The following DARS1 variants were observed in gnomAD, a reference collection of about 807,000 sequenced individuals.
DARS1 encodes the protein aspartate--tRNA ligase, cytoplasmic.
In DARS1, 51 loss-of-function variants were observed where a neutral mutation model predicts 68.8. The ratio of observed to expected loss-of-function variants is 0.74; its 90% CI spans 0.59 to 0.94. The LOEUF (loss-of-function observed/expected upper bound fraction) is 0.94, where lower values mean the gene tolerates loss of function less well. DARS1 is among the 40% of genes least tolerant of loss of function. The pLI, the probability that DARS1 is intolerant of heterozygous loss-of-function variation, is 0.00. For missense variants in DARS1, 607 were observed against 597.3 expected (o/e 1.02, Z -0.17); for synonymous variants, 203 against 190.4 (o/e 1.07, Z -0.55).
chr2:135,927,605 C>CAAA (rs1484614769), intron 7 of DARS1, among the ~76,000 whole-genome samples: 1 of 151,970 alleles, frequency 6.6e-6, no homozygotes, highest in Admixed American at 6.6e-5. Flanking sequence ...ACTCATTAAA[C>CAAA]AAATATTTAT....
intron 5 of DARS1, among the ~76,000 whole-genome samples, chr2:135,934,384 G>A (rs1464645783): frequency 6.6e-6 from 1 of 152,108 alleles, no homozygotes; most frequent in Non-Finnish European, 1.5e-5. Flanking sequence ...CACTTAGGGA[G>A]GCTGTGGTGG....
At chr2:135,943,854 G>C (rs1681660130) in intron 4 of DARS1, among the ~76,000 whole-genome samples, 1 of 152,106 alleles carries the variant, frequency 6.6e-6, no homozygotes, top group South Asian at 2.1e-4. Flanking sequence ...AGAAATACTG[G>C]CTTCAATAAA....
chr2:135,951,898 T>G (rs966502896), intron 4 of DARS1, among the ~76,000 whole-genome samples: 7 of 152,212 alleles, frequency 4.6e-5, no homozygotes, highest in Non-Finnish European at 8.8e-5. Context: ...ATTGTAGTAT[T>G]TATGTATTTC....
intron 4 of DARS1, among the ~76,000 whole-genome samples, chr2:135,953,494 C>T (rs3112496): frequency 0.25 from 37,565 of 151,920 alleles, 5,586 homozygotes; most frequent in Middle Eastern, 0.42. Context: ...AGGTGCAAAA[C>T]GTATTGTGTT....
At chr2:135,982,655 A>G (rs1682664187) in intron 2 of DARS1, among the ~76,000 whole-genome samples, 1 of 152,118 alleles carries the variant, frequency 6.6e-6, no homozygotes. Context: ...AAGAGCGGTT[A>G]TAAGAAAAGA....
chr2:135,940,141 C>A (rs1482973302), intron 5 of DARS1, among the ~76,000 whole-genome samples: 1 of 152,176 alleles, frequency 6.6e-6, no homozygotes, highest in Non-Finnish European at 1.5e-5. Flanking sequence ...AGAGGGAATC[C>A]TCCCTAACTC....
chr2:135,920,519 T>G lies in DARS1; in HGVS notation c.893A>C (p.His298Pro). The change falls in exon 10 of 16, where the codon CAT (histidine) becomes CCT (proline). Residue 298 changes from histidine (H) to proline (P), a missense_variant. Coordinates refer to ENST00000264161, the MANE Select transcript of DARS1 (RefSeq NM_001349.4). ...AATTTCTTCCATAACTTCGTGGTAA[T>G]GGTAATTAAAAGCCATTTCAATGTC... is the stretch of plus-strand genomic sequence containing the variant. ...GLDIEMAFNY[H>P]YHEVMEEIAD... 6.2e-7 allele frequency: 1 copy of G among 1,613,808 alleles called. No individual in the cohort carries two copies. Among genetic ancestry groups the G allele is most frequent in the Non-Finnish European group, 8.5e-7 (1 of 1,179,874 alleles).
At chr2:135,943,160 T>C (rs1575395153) in intron 5 of DARS1, 1 of 527,686 alleles carries the variant, frequency 1.9e-6, no homozygotes, top group East Asian at 3.9e-5. Flanking sequence ...GCCATCTCAG[T>C]TGGGTGCATC....
intron 3 of DARS1, chr2:135,978,950 A>G (rs1362833658): frequency 5.1e-6 from 1 of 194,314 alleles, no homozygotes; most frequent in Non-Finnish European, 1.0e-5. Flanking sequence ...TTAAATAATT[A>G]AAGTTTACTC....
chr2:135,932,810 T>C lies in DARS1; in HGVS notation c.537A>G (p.Arg179=). Residue 179 remains arginine, a synonymous_variant, in exon 7 of 16, where the codon AGA becomes AGG. Transcript: ENST00000264161. The part of the protein sequence containing the change: ...EGRATVNQDT[R]LDNRVIDLRT... ...TAAGATCAATGACTCTGTTGTCTAA[T>C]CTTGTATCCTGGTTAACAGTAGCTC... The C allele has an allele frequency of 2.2e-6, 3 of 1,361,912 alleles. No homozygotes were observed. The highest frequency in any genetic ancestry group is 1.5e-5 in the African/African-American group (1 of 68,766). 84.4% of individuals were successfully genotyped at this position (1,361,912 alleles called of 1,614,324 possible). A position where few individuals can be genotyped will look rare whatever the true frequency, so the allele number is the denominator to read the frequency against.
intron 1 of DARS1, among the ~76,000 whole-genome samples, chr2:135,984,557 A>G (rs1404078527): frequency 6.6e-6 from 1 of 152,210 alleles, no homozygotes; most frequent in Non-Finnish European, 1.5e-5. Flanking sequence ...AGGGCAACAG[A>G]AGGAGATTAA....
chr2:135,970,699 A>G (rs1400353436), intron 3 of DARS1, among the ~76,000 whole-genome samples: 1 of 152,118 alleles, frequency 6.6e-6, no homozygotes, highest in African/African-American at 2.4e-5. Flanking sequence ...AACAAAAATG[A>G]CAAGCTTTTA....
intron 4 of DARS1, among the ~76,000 whole-genome samples, chr2:135,943,942 T>A (rs1281033988): frequency 6.6e-6 from 1 of 152,174 alleles, no homozygotes; most frequent in African/African-American, 2.4e-5. Context: ...AAGAGGACAT[T>A]AGCGTGCTGT....
intron 2 of DARS1, chr2:135,980,699 AT>A (rs1313215637): frequency 6.6e-6 from 1 of 152,232 alleles, no homozygotes; most frequent in African/African-American, 2.4e-5. Context: ...TCAGCAGAAG[AT>A]TTTAAAAGGC....
At chr2:135,937,098 T>G (rs367685718) in intron 5 of DARS1, among the ~76,000 whole-genome samples, 2 of 152,136 alleles carry the variant, frequency 1.3e-5, no homozygotes. Context: ...ATGGTTTTTT[T>G]TTGTTGTTGA....
At chr2:135,935,603 A>C (rs1288663418) in intron 5 of DARS1, among the ~76,000 whole-genome samples, 1 of 152,144 alleles carries the variant, frequency 6.6e-6, no homozygotes, top group African/African-American at 2.4e-5. Context: ...CTGTCTCGAA[A>C]AAATAAATAA....
intron 4 of DARS1, 74 bp downstream of exon 4, chr2:135,961,322 A>C (rs1325882580): frequency 1.3e-6 from 1 of 794,610 alleles, no homozygotes; most frequent in Non-Finnish European, 2.2e-6. Flanking sequence ...AATGTATGAA[A>C]ATGGTCCAAA....
intron 12 of DARS1, among the ~76,000 whole-genome samples, chr2:135,914,206 A>C (rs1452349360): frequency 6.6e-6 from 1 of 152,218 alleles, no homozygotes; most frequent in Non-Finnish European, 1.5e-5. Context: ...AATCCGACAT[A>C]GGTATCACTT....
At chr2:135,920,241 G>T (rs1261728546) in intron 10 of DARS1, among the ~76,000 whole-genome samples, 2 of 152,274 alleles carry the variant, frequency 1.3e-5, no homozygotes, top group East Asian at 3.9e-4. Context: ...CACAATAGAG[G>T]TTAATTAGTT....
Sources: allele counts gnomAD v4.1 joint callset (sites outside exome capture counted in the v4.1 genomes callset), GRCh38; gene constraint gnomAD v4.1.1; transcripts MANE v1.5; gene names NCBI Gene and HGNC (gene_info 2026-07-23, HGNC 2026-07-21).